Variants in PPP1R12A observed in about 807,000 individuals in gnomAD.
PPP1R12A encodes myosin binding subunit.
In PPP1R12A, 19 loss-of-function variants were observed where a neutral mutation model predicts 139.6. That is an observed-to-expected ratio of 0.14 (90% CI 0.09 to 0.20). The LOEUF (loss-of-function observed/expected upper bound fraction) is 0.20, where lower values mean the gene tolerates loss of function less well. Among genes scored for constraint, PPP1R12A ranks in the 10% least tolerant of loss-of-function variants. The pLI is 1.00. For synonymous variants in PPP1R12A, 427 were observed against 420.6 expected (o/e 1.02, Z -0.19); for missense variants, 925 against 1,211.5 (o/e 0.76, Z 3.51).
chr12:79,907,716 C>T (rs1592810695), intron 1 of PPP1R12A, among the ~76,000 whole-genome samples: 1 of 152,144 alleles, frequency 6.6e-6, no homozygotes, highest in Admixed American at 6.5e-5. Flanking sequence ...CTGAGCAACA[C>T]AGCAAGACTC....
intron 19 of PPP1R12A, chr12:79,793,654 G>C (rs948637278): frequency 6.4e-6 from 3 of 467,652 alleles, no homozygotes; most frequent in African/African-American, 6.2e-5. Flanking sequence ...TCAAGACTCA[G>C]AACATTTTCA....
intron 1 of PPP1R12A, among the ~76,000 whole-genome samples, chr12:79,901,672 T>G (rs1173046780): frequency 1.3e-5 from 2 of 152,126 alleles, no homozygotes; most frequent in African/African-American, 4.8e-5. Context: ...GAGAAGTTAC[T>G]CAATATTTTA....
chr12:79,777,185 G>C (rs911457446), intron 24 of PPP1R12A: 2 of 897,174 alleles, frequency 2.2e-6, no homozygotes, highest in Non-Finnish European at 2.7e-6. Flanking sequence ...GTTATATACT[G>C]TTGGTTTTCT....
At chr12:79,923,911 G>A (rs1361543930) in intron 1 of PPP1R12A, among the ~76,000 whole-genome samples, 3 of 152,258 alleles carry the variant, frequency 2.0e-5, no homozygotes, top group Admixed American at 6.5e-5. Flanking sequence ...GGGCGTGGTG[G>A]TGGACGCCTG....
chr12:79,935,102 C>T, upstream of PPP1R12A: 2 of 1,364,996 alleles, frequency 1.5e-6, no homozygotes, highest in South Asian at 1.7e-5. Flanking sequence ...AGCACTGGGG[C>T]GGCGCACCCG....
At chr12:79,861,674 C>T (rs955342043) in intron 2 of PPP1R12A, among the ~76,000 whole-genome samples, 6 of 152,160 alleles carry the variant, frequency 3.9e-5, no homozygotes, top group East Asian at 1.9e-4. Context: ...GTGCTTGGCT[C>T]GGCGGGTCTC....
At chr12:79,818,415 G>T (rs11834002) in intron 8 of PPP1R12A, among the ~76,000 whole-genome samples, 3 of 151,612 alleles carry the variant, frequency 2.0e-5, no homozygotes, top group African/African-American at 4.8e-5. Context: ...TAATTGTTGT[G>T]TTTTTTTTGT....
chr12:79,817,133 C>T (rs1875502279), intron 9 of PPP1R12A, among the ~76,000 whole-genome samples: 2 of 151,820 alleles, frequency 1.3e-5, no homozygotes, highest in Admixed American at 1.3e-4. Flanking sequence ...TATCTTTCTG[C>T]CATTTATTAA....
At chr12:79,784,879 T>A (rs1870915672) in intron 22 of PPP1R12A, among the ~76,000 whole-genome samples, 1 of 152,142 alleles carries the variant, frequency 6.6e-6, no homozygotes, top group Admixed American at 6.5e-5. Flanking sequence ...CCTCAGGTGA[T>A]CCGCCCACCT....
chr12:79,789,008 G>A (rs1222612383), intron 20 of PPP1R12A, among the ~76,000 whole-genome samples: 1 of 151,988 alleles, frequency 6.6e-6, no homozygotes, highest in Non-Finnish European at 1.5e-5. Context: ...ATGATCTCAG[G>A]TCACTGCAGA....
chr12:79,797,947 A>G (rs1004180323), intron 15 of PPP1R12A, among the ~76,000 whole-genome samples: 2 of 152,218 alleles, frequency 1.3e-5, no homozygotes, highest in African/African-American at 4.8e-5. Flanking sequence ...GTGGGAAAGC[A>G]GAAAGACACA....
At chr12:79,839,428 T>C (rs1878451867) in intron 3 of PPP1R12A, among the ~76,000 whole-genome samples, 7 of 151,838 alleles carry the variant, frequency 4.6e-5, no homozygotes, top group Admixed American at 3.9e-4. Flanking sequence ...GATTGTGTTA[T>C]GAAATGTGAG....
chr12:79,910,438 G>A (rs140278764), intron 1 of PPP1R12A, among the ~76,000 whole-genome samples: 5 of 151,350 alleles, frequency 3.3e-5, no homozygotes, highest in African/African-American at 1.2e-4. Context: ...CCGAGACGGC[G>A]CCACTGCCTG....
chr12:79,834,662 G>T (rs1266358890), intron 3 of PPP1R12A, among the ~76,000 whole-genome samples: 1 of 152,176 alleles, frequency 6.6e-6, no homozygotes, highest in Non-Finnish European at 1.5e-5. Flanking sequence ...AGTTTAAGAT[G>T]CCTAACAAAT....
chr12:79,855,517 G>C (rs944310597), intron 2 of PPP1R12A, among the ~76,000 whole-genome samples: 1 of 151,986 alleles, frequency 6.6e-6, no homozygotes, highest in Non-Finnish European at 1.5e-5. Context: ...TGGGTCAAAT[G>C]GTAACTGTTT....
At chr12:79,824,296 G>A (rs1876499303) in intron 5 of PPP1R12A, among the ~76,000 whole-genome samples, 1 of 152,116 alleles carries the variant, frequency 6.6e-6, no homozygotes, top group African/African-American at 2.4e-5. Flanking sequence ...TTAAGATTAT[G>A]TTATGTGGAA....
intron 1 of PPP1R12A, among the ~76,000 whole-genome samples, chr12:79,920,528 C>A (rs1887356514): frequency 6.6e-6 from 1 of 152,206 alleles, no homozygotes; most frequent in Non-Finnish European, 1.5e-5. Context: ...AAATATCCCT[C>A]CCAAAACTCA....
At chr12:79,913,533 T>C (rs1190446760) in intron 1 of PPP1R12A, among the ~76,000 whole-genome samples, 1 of 152,184 alleles carries the variant, frequency 6.6e-6, no homozygotes, top group Non-Finnish European at 1.5e-5. Flanking sequence ...ATTCATTAGT[T>C]TGTTGTCTAA....
rs1237015718 is a variant in PPP1R12A at position 79,813,419 on chromosome 12, C to T, written c.1240-3409G>A. Among the ~76,000 whole-genome samples the T allele has an allele frequency of 2.6e-5, 4 of 152,246 alleles. No individual in the cohort carries two copies. In the South Asian group the frequency reaches 6.2e-4, roughly 24 times the overall value. On this transcript the variant is annotated intron_variant, in intron 9 of 24. Transcript: ENST00000450142. ...TAAATCATGCTACATCTGTACGTTT[C>T]GATTGGACTACTTTATATACCCACA... is the stretch of plus-strand genomic sequence containing the variant.
Sources: gnomAD v4.1 joint callset for allele counts (sites outside exome capture counted in the v4.1 genomes callset) on GRCh38, gnomAD v4.1.1 for gene constraint, MANE v1.5 for transcripts, NCBI Gene and HGNC (gene_info 2026-07-23, HGNC 2026-07-21) for gene names.